The following CACNA1A variants were observed in gnomAD, a reference collection of about 807,000 sequenced individuals.
CACNA1A encodes the protein voltage-dependent P/Q-type calcium channel subunit alpha-1A.
A neutral mutation model predicts 262.4 loss-of-function variants in CACNA1A; 57 were observed. That is an observed-to-expected ratio of 0.22 (90% CI 0.18 to 0.27). The LOEUF (loss-of-function observed/expected upper bound fraction) is 0.27, where lower values mean the gene tolerates loss of function less well. Among genes scored for constraint, CACNA1A ranks in the 10% least tolerant of loss-of-function variants. The pLI is 1.00. For missense variants in CACNA1A, 2,526 were observed against 3,562.8 expected, an observed-to-expected ratio of 0.71 and a Z score of 7.41; for synonymous variants, 1,431 against 1,419.3, an observed-to-expected ratio of 1.01 and a Z score of -0.18.
chr19:13,328,241 C>T (rs1396531008), intron 10 of CACNA1A, among the ~76,000 whole-genome samples: 1 of 152,266 alleles, frequency 6.6e-6, no homozygotes, highest in African/African-American at 2.4e-5. Flanking sequence ...TAACGTAACA[C>T]GTGAGACAGA....
intron 3 of CACNA1A, among the ~76,000 whole-genome samples, chr19:13,379,986 C>T (rs2059488195): frequency 7.7e-6 from 1 of 130,690 alleles, no homozygotes; most frequent in South Asian, 2.5e-4. Flanking sequence ...CTATTAAGAG[C>T]TACTTATGAA....
intron 17 of CACNA1A, 66 bp downstream of exon 17, chr19:13,303,480 C>G: frequency 2.3e-6 from 1 of 443,122 alleles, no homozygotes; most frequent in Non-Finnish European, 4.3e-6. Context: ...CCACCCCCAC[C>G]CCCGTCCTGA....
chr19:13,237,893 CAT>C (rs2055930589), intron 31 of CACNA1A, among the ~76,000 whole-genome samples: 2 of 152,294 alleles, frequency 1.3e-5, no homozygotes, highest in South Asian at 2.1e-4. Context: ...CGGATCATAA[CAT>C]GTGGACTCGG....
chr19:13,502,579 A>G (rs916778700), intron 1 of CACNA1A, among the ~76,000 whole-genome samples: 91 of 152,324 alleles, frequency 6.0e-4, no homozygotes, highest in Middle Eastern at 3.4e-3. Flanking sequence ...ATTCCAGTCA[A>G]TGAAAACATG....
At chr19:13,408,542 A>G (rs1021822310) in intron 3 of CACNA1A, among the ~76,000 whole-genome samples, 1 of 152,204 alleles carries the variant, frequency 6.6e-6, no homozygotes, top group Non-Finnish European at 1.5e-5. Context: ...CACTAACATT[A>G]TATGTTCAAT....
At position 13,506,264 on chromosome 19, in the gene CACNA1A, ACGATGCGGAAGACGCCGCCG is replaced by A. The variant is rs1983028918; in HGVS notation, c.-60_-41del. The stretch of plus-strand genomic sequence containing the variant: ...AGGGCTCCGGGTTACGCTGCGGCGA[ACGATGCGGAAGACGCCGCCG>A]CCGCCGCCGCCGCCGCTGATGCTGA... On this transcript the variant is annotated 5_prime_UTR_variant, in exon 1 of 47. Coordinates refer to ENST00000360228, the MANE Select transcript of CACNA1A (RefSeq NM_001127222.2). The A allele has an allele frequency of 7.1e-7, 1 of 1,406,782 alleles. No homozygotes were observed. Among genetic ancestry groups the A allele is most frequent in the South Asian group, 1.6e-5 (1 of 62,292 alleles). The allele number at this position is 1,406,782 out of a possible 1,614,324, so 87.1% of individuals were successfully genotyped here.
At chr19:13,290,881 G>T (rs2057521545) in intron 19 of CACNA1A, among the ~76,000 whole-genome samples, 1 of 152,140 alleles carries the variant, frequency 6.6e-6, no homozygotes, top group Non-Finnish European at 1.5e-5. Context: ...ACTCGTGGCG[G>T]CATTTTCTTA....
At chr19:13,430,864 TAGA>T (rs895911771) in intron 3 of CACNA1A, among the ~76,000 whole-genome samples, 1 of 151,746 alleles carries the variant, frequency 6.6e-6, no homozygotes, top group Non-Finnish European at 1.5e-5. Flanking sequence ...AGTTACATGT[TAGA>T]AGGACACTTG....
intron 4 of CACNA1A, chr19:13,366,300 T>G (rs984003888): frequency 6.6e-5 from 10 of 151,930 alleles, no homozygotes; most frequent in African/African-American, 2.4e-4. Context: ...TTTAAAGTAT[T>G]TATTTATTTA....
At chr19:13,485,800 G>A (rs1365475728) in intron 1 of CACNA1A, among the ~76,000 whole-genome samples, 1 of 152,180 alleles carries the variant, frequency 6.6e-6, no homozygotes, top group African/African-American at 2.4e-5. Flanking sequence ...TTGGAAAATT[G>A]TTTGGCAGTG....
intron 5 of CACNA1A, chr19:13,362,624 T>C (rs747058454): frequency 6.6e-6 from 1 of 152,354 alleles, no homozygotes; most frequent in Non-Finnish European, 1.5e-5. Flanking sequence ...ATTACAGGTG[T>C]GAGCCACTGC....
At chr19:13,307,634 A>C in intron 15 of CACNA1A, 148 bp downstream of exon 15, 2 of 649,244 alleles carry the variant, frequency 3.1e-6, no homozygotes, top group Non-Finnish European at 5.5e-6. Flanking sequence ...TAATTGAATA[A>C]TGATAACCAT....
intron 3 of CACNA1A, among the ~76,000 whole-genome samples, chr19:13,414,716 G>A (rs1296753446): frequency 1.3e-5 from 2 of 151,750 alleles, no homozygotes; most frequent in Non-Finnish European, 2.9e-5. Flanking sequence ...CCAGCACTTT[G>A]AGAGACCAAA....
At chr19:13,288,458 G>A (rs2057457452) in intron 19 of CACNA1A, among the ~76,000 whole-genome samples, 1 of 152,062 alleles carries the variant, frequency 6.6e-6, no homozygotes, top group South Asian at 2.1e-4. Context: ...CAGGCTGCTT[G>A]AACTCGTGGC....
At chr19:13,261,691 A>G in intron 25 of CACNA1A, 81 bp from the exon 26 acceptor site, 1 of 1,349,846 alleles carries the variant, frequency 7.4e-7, no homozygotes. Context: ...TCATACCAAA[A>G]TACTGCCATG....
chr19:13,429,139 C>T (rs2060455586), intron 3 of CACNA1A, among the ~76,000 whole-genome samples: 1 of 150,118 alleles, frequency 6.7e-6, no homozygotes. Context: ...TCTGTCATTT[C>T]TCCCCCTCCA....
intron 4 of CACNA1A, chr19:13,365,948 G>A (rs921216169): frequency 6.6e-6 from 1 of 151,980 alleles, no homozygotes; most frequent in African/African-American, 2.4e-5. Flanking sequence ...AGGATTATAG[G>A]TGTGAGCCAC....
At chr19:13,444,171 A>G (rs1231855095) in intron 3 of CACNA1A, among the ~76,000 whole-genome samples, 1 of 152,236 alleles carries the variant, frequency 6.6e-6, no homozygotes, top group Non-Finnish European at 1.5e-5. Context: ...TCTCAATGGT[A>G]TAACTCACTG....
chr19:13,268,731 G>C (rs1424728206), intron 24 of CACNA1A, among the ~76,000 whole-genome samples: 2 of 152,050 alleles, frequency 1.3e-5, no homozygotes, highest in Admixed American at 1.3e-4. Flanking sequence ...ACCGCGCCCG[G>C]CTGTGATATT....
Sources: allele counts gnomAD v4.1 joint callset (sites outside exome capture counted in the v4.1 genomes callset), GRCh38; gene constraint gnomAD v4.1.1; transcripts MANE v1.5; gene names NCBI Gene and HGNC (gene_info 2026-07-23, HGNC 2026-07-21).